Variants in NUCKS1 observed in about 807,000 individuals in gnomAD.
NUCKS1 encodes the protein nuclear ubiquitous casein and cyclin-dependent kinase substrate 1.
Under a neutral mutation model 33.0 loss-of-function variants are expected in NUCKS1, and 2 were observed. The observed-to-expected ratio is 0.06, with a 90% CI of 0.02 to 0.19. The LOEUF (loss-of-function observed/expected upper bound fraction) is 0.19. NUCKS1 is among the 10% of genes least tolerant of loss of function. The pLI, the probability that NUCKS1 is intolerant of heterozygous loss-of-function variation, is 1.00. For synonymous variants in NUCKS1, 106 were observed against 102.8 expected (o/e 1.03, Z -0.19); for missense variants, 201 against 293.6 (o/e 0.68, Z 2.31).
At chr1:205,746,355 T>A (rs1049496780) in intron 1 of NUCKS1, among the ~76,000 whole-genome samples, 1 of 152,260 alleles carries the variant, frequency 6.6e-6, no homozygotes, top group East Asian at 1.9e-4. Context: ...TTTGATGGCA[T>A]GTCTTTGAAG....
At chr1:205,742,340 G>C (rs1571587799) in intron 1 of NUCKS1, among the ~76,000 whole-genome samples, 2 of 152,272 alleles carry the variant, frequency 1.3e-5, no homozygotes, top group South Asian at 4.1e-4. Flanking sequence ...AGCAGCCTGT[G>C]ATCTCTTCAT....
intron 3 of NUCKS1, among the ~76,000 whole-genome samples, chr1:205,725,235 G>A (rs10494873): frequency 6.6e-6 from 1 of 152,112 alleles, no homozygotes; most frequent in African/African-American, 2.4e-5. Context: ...AAATCACTTG[G>A]TATTCTTCAA....
chr1:205,749,928 C>T (rs752835021), intron 1 of NUCKS1, 29 bp downstream of exon 1: 3 of 1,606,980 alleles, frequency 1.9e-6, no homozygotes, highest in Admixed American at 3.4e-5. Flanking sequence ...CCCCTCCAAC[C>T]CGCTCCAGGC....
intron 3 of NUCKS1, among the ~76,000 whole-genome samples, 171 bp downstream of exon 3, chr1:205,727,529 C>T (rs1653809148): frequency 6.6e-6 from 1 of 152,138 alleles, no homozygotes; most frequent in Non-Finnish European, 1.5e-5. Context: ...CCTTAGATAA[C>T]AAATTGTATA....
Position 205,750,030 on chromosome 1 carries a change from C to G in NUCKS1, c.-57G>C, listed in dbSNP as rs1234475645. ...GCCAAAGACCAGGACCCCCCCCACC[C>G]CGCGCGCTCGGCGCCCCACCCCCCC... On this transcript the variant is annotated 5_prime_UTR_variant, in exon 1 of 7. Transcript: ENST00000367142. The G allele has an allele frequency of 1.8e-6, 2 of 1,104,510 alleles. No individual in the cohort carries two copies. Among genetic ancestry groups the G allele is most frequent in the Non-Finnish European group, 2.5e-6 (2 of 815,730 alleles). 68.4% of individuals were successfully genotyped at this position (1,104,510 alleles called of 1,614,324 possible).
intron 1 of NUCKS1, among the ~76,000 whole-genome samples, chr1:205,747,037 TTTCC>T (rs1225466617): frequency 6.6e-6 from 1 of 152,210 alleles, no homozygotes; most frequent in Non-Finnish European, 1.5e-5. Context: ...GTAATGGCAT[TTTCC>T]TTCCTTCCTC....
chr1:205,718,842 A>G (rs1045818099), intron 6 of NUCKS1, among the ~76,000 whole-genome samples: 2 of 152,250 alleles, frequency 1.3e-5, no homozygotes, highest in Non-Finnish European at 2.9e-5. Context: ...AAGCAGGTCA[A>G]AAAGACGGAA....
At chr1:205,721,770 G>A (rs192599438) in intron 4 of NUCKS1, among the ~76,000 whole-genome samples, 4 of 151,954 alleles carry the variant, frequency 2.6e-5, no homozygotes, top group African/African-American at 9.7e-5. Context: ...CACCTCCCAG[G>A]TTCAAGCGAT....
intron 1 of NUCKS1, among the ~76,000 whole-genome samples, chr1:205,736,182 CCT>C (rs879513145): frequency 1.3e-5 from 2 of 152,090 alleles, no homozygotes; most frequent in Admixed American, 6.5e-5. Flanking sequence ...GAACTCCTGG[CCT>C]CAAGTGATCC....
chr1:205,733,541 T>C (rs1189270305), intron 1 of NUCKS1, among the ~76,000 whole-genome samples: 1 of 152,150 alleles, frequency 6.6e-6, no homozygotes, highest in East Asian at 1.9e-4. Flanking sequence ...TGGGCCTTAG[T>C]TCTTCCTCTG....
chr1:205,748,421 C>G (rs540594660), intron 1 of NUCKS1, among the ~76,000 whole-genome samples: 1 of 152,232 alleles, frequency 6.6e-6, no homozygotes, highest in South Asian at 2.1e-4. Context: ...ATTATTTTAC[C>G]TGATCCTAAA....
intron 1 of NUCKS1, among the ~76,000 whole-genome samples, chr1:205,744,630 G>GTTTTTTGT (rs1553253163): frequency 1.1e-5 from 1 of 87,786 alleles, no homozygotes; most frequent in East Asian, 4.1e-4. Context: ...GTTCACTAGA[G>GTTTTTTGT]TTTTTTTTTT....
intron 6 of NUCKS1, 103 bp from the exon 7 acceptor site, chr1:205,718,582 C>A: frequency 2.0e-6 from 3 of 1,512,786 alleles, no homozygotes; most frequent in Non-Finnish European, 2.7e-6. Context: ...TCTATAAAGA[C>A]AATATGCAAC....
Position 205,717,668 on chromosome 1 carries a change from G to T in NUCKS1, c.*612C>A. The T allele has an allele frequency of 1.0e-6, 1 of 985,156 alleles. No homozygotes were observed. Among genetic ancestry groups the T allele is most frequent in the Non-Finnish European group, 1.2e-6 (1 of 829,890 alleles). 61.0% of individuals were successfully genotyped at this position (985,156 alleles called of 1,614,324 possible). ...ACAAGGTAAAAAATGAGTACTTTTA[G>T]TAACAGTTCAGAATTCATCTTTATC... is the stretch of plus-strand genomic sequence containing the variant. On this transcript the variant is annotated 3_prime_UTR_variant, in exon 7 of 7. Transcript: ENST00000367142.
intron 1 of NUCKS1, among the ~76,000 whole-genome samples, chr1:205,742,087 C>T (rs1654190348): frequency 6.6e-6 from 1 of 152,148 alleles, no homozygotes; most frequent in Non-Finnish European, 1.5e-5. Flanking sequence ...GTATGTTATC[C>T]CAGTGTAAGA....
chr1:205,732,224 T>C (rs1366465509), intron 1 of NUCKS1, among the ~76,000 whole-genome samples: 1 of 152,228 alleles, frequency 6.6e-6, no homozygotes, highest in Non-Finnish European at 1.5e-5. Flanking sequence ...CAACTATATA[T>C]TTTATTGTAA....
At chr1:205,749,794 G>A (rs1654440911) in intron 1 of NUCKS1, among the ~76,000 whole-genome samples, 163 bp downstream of exon 1, 1 of 150,748 alleles carries the variant, frequency 6.6e-6, no homozygotes, top group Non-Finnish European at 1.5e-5. Context: ...ACCCCCGCGC[G>A]CCAGCAGGGC....
chr1:205,728,346 G>A (rs544483625), intron 2 of NUCKS1, among the ~76,000 whole-genome samples: 1 of 150,638 alleles, frequency 6.6e-6, no homozygotes, highest in Admixed American at 6.6e-5. Context: ...ACACACACAC[G>A]ATGGCGAGAT....
intron 4 of NUCKS1, among the ~76,000 whole-genome samples, chr1:205,720,930 A>G (rs1156481283): frequency 2.0e-5 from 3 of 152,212 alleles, no homozygotes; most frequent in African/African-American, 7.2e-5. Flanking sequence ...ATGCAGCCAT[A>G]AAAAGGGAAG....
Sources: allele counts gnomAD v4.1 joint callset (sites outside exome capture counted in the v4.1 genomes callset), GRCh38; gene constraint gnomAD v4.1.1; transcripts MANE v1.5; gene names NCBI Gene and HGNC (gene_info 2026-07-23, HGNC 2026-07-21).